The following KIF5A variants were observed in gnomAD, a reference collection of about 807,000 sequenced individuals.
The protein encoded by KIF5A is kinesin heavy chain isoform 5A.
A neutral mutation model predicts 141.3 loss-of-function variants in KIF5A; 35 were observed. That is an observed-to-expected ratio of 0.25 (90% CI 0.19 to 0.33). The LOEUF is 0.33. Among genes scored for constraint, KIF5A ranks in the 10% least tolerant of loss-of-function variants. The pLI, the probability that KIF5A is intolerant of heterozygous loss-of-function variation, is 1.00. For synonymous variants in KIF5A, 448 were observed against 500.2 expected (o/e 0.90, Z 1.39); for missense variants, 861 against 1,314.3 (o/e 0.66, Z 5.33).
At chr12:57,569,826 C>G in intron 11 of KIF5A, 143 bp downstream of exon 11, 1 of 1,415,758 alleles carries the variant, frequency 7.1e-7, no homozygotes, top group Non-Finnish European at 9.6e-7. Flanking sequence ...GTAGAGCAGT[C>G]ATGGGGGAAG....
chr12:57,570,195 C>T, intron 12 of KIF5A, 33 bp downstream of exon 12: 2 of 1,605,956 alleles, frequency 1.2e-6, no homozygotes, highest in Non-Finnish European at 1.7e-6. Context: ...CTGAGGCACG[C>T]CAGGTGGGAT....
intron 1 of KIF5A, among the ~76,000 whole-genome samples, chr12:57,557,476 C>A (rs1378443682): frequency 6.6e-6 from 1 of 151,876 alleles, no homozygotes; most frequent in African/African-American, 2.4e-5. Flanking sequence ...GGAAAGGACA[C>A]CGAAGAAGCT....
At chr12:57,584,093 G>C (rs1429500060) in intron 28 of KIF5A, 125 bp from the exon 29 acceptor site, 1 of 152,214 alleles carries the variant, frequency 6.6e-6, no homozygotes, top group African/African-American at 2.4e-5. Context: ...GGTGGTAGGG[G>C]GGTCTGCTTG....
At chr12:57,576,939 C>A in intron 20 of KIF5A, 77 bp downstream of exon 20, 2 of 1,043,990 alleles carry the variant, frequency 1.9e-6, no homozygotes, top group Non-Finnish European at 2.9e-6. Context: ...CTTGCAGAGG[C>A]AGGACACACA....
intron 1 of KIF5A, among the ~76,000 whole-genome samples, chr12:57,555,743 T>C (rs543839507): frequency 6.7e-6 from 1 of 149,308 alleles, no homozygotes; most frequent in South Asian, 2.1e-4. Flanking sequence ...ACCCTGTCTG[T>C]ACTGAAAATA....
chr12:57,555,592 A>AAAAT (rs1314081876), intron 1 of KIF5A, among the ~76,000 whole-genome samples: 2 of 150,916 alleles, frequency 1.3e-5, no homozygotes, highest in African/African-American at 2.4e-5. Flanking sequence ...CTCCGTCTCA[A>AAAAT]AAATAAATAA....
At chr12:57,563,201 T>A (rs749581137) in intron 1 of KIF5A, among the ~76,000 whole-genome samples, 3 of 151,936 alleles carry the variant, frequency 2.0e-5, no homozygotes, top group Non-Finnish European at 4.4e-5. Context: ...GAGACGGGGT[T>A]TCACCATATT....
In KIF5A at chr12:57,550,894, T is replaced by G. The variant is rs1274784268; in HGVS notation, c.129+494T>G. Among the ~76,000 whole-genome samples, 1 of 152,136 alleles carries G rather than the reference T, an allele frequency of 6.6e-6. No individual in the cohort carries two copies. The highest frequency in any genetic ancestry group is 1.9e-4 in the East Asian group (1 of 5,188). ...GCTCTAAGACCAAACCTTCCATCAT[T>G]CCCTAAAGTAGTTATAGCCTGGATT... On this transcript the variant is annotated intron_variant, in intron 1 of 28. Transcript: ENST00000455537. The surrounding 1 kb of genome is among the most constrained non-coding windows in gnomAD (Gnocchi z 4.6).
chr12:57,576,039 C>A, intron 17 of KIF5A, 48 bp from the exon 18 acceptor site: 1 of 1,573,240 alleles, frequency 6.4e-7, no homozygotes, highest in Non-Finnish European at 8.7e-7. Flanking sequence ...GAAGTTCTTT[C>A]CGAAAGAGGT....
chr12:57,575,305 C>T (rs1273696677), intron 16 of KIF5A, 33 bp downstream of exon 16: 19 of 1,600,202 alleles, frequency 1.2e-5, no homozygotes, highest in Non-Finnish European at 1.6e-5. Flanking sequence ...CTTCAGATGC[C>T]ATGGGAGAAA....
At chr12:57,558,081 G>A (rs1376777728) in intron 1 of KIF5A, among the ~76,000 whole-genome samples, 1 of 151,972 alleles carries the variant, frequency 6.6e-6, no homozygotes, top group Non-Finnish European at 1.5e-5. Flanking sequence ...TACACAAATG[G>A]TAGCGTATTA....
At chr12:57,569,119 C>A in intron 9 of KIF5A, 52 bp downstream of exon 9, 2 of 1,557,534 alleles carry the variant, frequency 1.3e-6, no homozygotes, top group Non-Finnish European at 1.8e-6. Flanking sequence ...CATCTCCTCC[C>A]CCACCTGCTA....
At chr12:57,558,769 C>CT (rs1565694039) in intron 1 of KIF5A, among the ~76,000 whole-genome samples, 1 of 152,262 alleles carries the variant, frequency 6.6e-6, no homozygotes, top group East Asian at 1.9e-4. Flanking sequence ...TTATCTCATT[C>CT]TTTTTTGGTT....
chr12:57,552,167 A>T (rs1181342963), intron 1 of KIF5A, among the ~76,000 whole-genome samples: 1 of 152,100 alleles, frequency 6.6e-6, no homozygotes, highest in Non-Finnish European at 1.5e-5. Flanking sequence ...GATGGGGGCA[A>T]AACTTTTAGG....
chr12:57,577,936 G>A (rs1185106474), intron 21 of KIF5A, 73 bp from the exon 22 acceptor site: 6 of 1,292,890 alleles, frequency 4.6e-6, no homozygotes, highest in Non-Finnish European at 6.8e-6. Flanking sequence ...AGAGACTGGA[G>A]GTACCTATAA....
chr12:57,571,508 C>T, intron 13 of KIF5A, 119 bp downstream of exon 13: 1 of 912,080 alleles, frequency 1.1e-6, no homozygotes, highest in South Asian at 1.4e-5. Context: ...GGATTAATCA[C>T]TCCCCTAAAC....
intron 13 of KIF5A, 145 bp from the exon 14 acceptor site, chr12:57,571,916 G>A (rs1185564697): frequency 2.8e-6 from 2 of 719,040 alleles, no homozygotes; most frequent in African/African-American, 1.8e-5. Flanking sequence ...TCTTCATTCT[G>A]TTGCCCTATT....
intron 13 of KIF5A, among the ~76,000 whole-genome samples, 164 bp from the exon 14 acceptor site, chr12:57,571,897 C>CTTCTTCA (rs1360761844): frequency 1.3e-5 from 2 of 152,188 alleles, no homozygotes; most frequent in African/African-American, 4.8e-5. Flanking sequence ...AGTCTGGGGG[C>CTTCTTCA]TTCTTCATTC....
intron 4 of KIF5A, 82 bp downstream of exon 4, chr12:57,564,294 T>C: frequency 8.6e-7 from 1 of 1,163,398 alleles, no homozygotes; most frequent in Non-Finnish European, 1.3e-6. Flanking sequence ...GAGCCTGGGC[T>C]CCCCAACTTG....
Sources: allele counts gnomAD v4.1 joint callset (sites outside exome capture counted in the v4.1 genomes callset), GRCh38; gene constraint gnomAD v4.1.1; non-coding constraint Gnocchi (gnomAD v3.1); transcripts MANE v1.5; gene names NCBI Gene and HGNC (gene_info 2026-07-23, HGNC 2026-07-21).